SLC22A23: variants seen among roughly 807,000 people sequenced by gnomAD.
SLC22A23 encodes the protein ion transporter protein.
A neutral mutation model predicts 61.0 loss-of-function variants in SLC22A23; 26 were observed. That is an observed-to-expected ratio of 0.43 (90% confidence interval 0.31 to 0.59). The LOEUF is 0.59. Ranked by LOEUF, SLC22A23 falls within the 20% of genes least tolerant of loss-of-function variation. The probability of loss-of-function intolerance (pLI) is 0.11; values close to 1 mark genes in which losing one functional copy is unlikely to be tolerated. For missense variants in SLC22A23, 796 were observed against 934.7 expected (o/e 0.85, Z 1.94); for synonymous variants, 430 against 413.9 (o/e 1.04, Z -0.47).
chr6:3,428,863 G>A (rs955582577), intron 1 of SLC22A23, among the ~76,000 whole-genome samples: 1 of 152,132 alleles, frequency 6.6e-6, no homozygotes, highest in South Asian at 2.1e-4. Flanking sequence ...GCTAATTAGC[G>A]ATAACATTCA....
chr6:3,367,635 C>T (rs979307), intron 3 of SLC22A23, among the ~76,000 whole-genome samples: 106,804 of 152,064 alleles, frequency 0.7, 37,741 homozygotes, highest in East Asian at 0.84. Flanking sequence ...GCCTGAGGGA[C>T]GTAAGTTAGG....
chr6:3,300,530 C>T (rs886254549), intron 4 of SLC22A23, among the ~76,000 whole-genome samples: 3 of 152,166 alleles, frequency 2.0e-5, no homozygotes, highest in East Asian at 3.9e-4. Context: ...GAGCAACACA[C>T]GCTTGCCAGA....
chr6:3,445,019 G>C, intron 1 of SLC22A23: 2 of 977,418 alleles, frequency 2.0e-6, no homozygotes, highest in South Asian at 9.5e-5. Flanking sequence ...TGTTTGCCAG[G>C]TACGTGGGGG....
Position 3,442,120 on chromosome 6 carries a change from C to T in SLC22A23, c.654+13786G>A, listed in dbSNP as rs539351832. 5.9e-5 allele frequency among the ~76,000 whole-genome samples: 9 copies of T among 152,322 alleles called. No homozygotes were observed. In the East Asian group the frequency reaches 1.7e-3, roughly 29 times the overall value. Reference sequence around the variant, plus strand: ...CTAAGGCAGGCAGGAAACGCTCACACACGCTACCACATGGATGAGCCTTGA... The same window carrying T: ...CTAAGGCAGGCAGGAAACGCTCACATACGCTACCACATGGATGAGCCTTGA... On this transcript the variant is annotated intron_variant, in intron 1 of 9. Coordinates refer to ENST00000406686, the MANE Select transcript of SLC22A23 (RefSeq NM_015482.2).
In SLC22A23 at chr6:3,297,435, A is replaced by C. The variant is rs768686207; in HGVS notation, c.1210+656T>G. Among the ~76,000 whole-genome samples the C allele has an allele frequency of 3.9e-5, 6 of 152,204 alleles. No homozygotes were observed. Among genetic ancestry groups the C allele is most frequent in the Non-Finnish European group, 8.8e-5 (6 of 68,044 alleles). On this transcript the variant is annotated intron_variant, in intron 5 of 9. Transcript: ENST00000406686. The surrounding 1 kb of genome is among the most constrained non-coding windows in gnomAD (Gnocchi z 4.3). ...TGCATCAGAATCTCTTCTAGTGCTTATTAGAAATGCAAGTTCTCAGGGCTT... is the reference window on the plus strand; with the variant it reads ...TGCATCAGAATCTCTTCTAGTGCTTCTTAGAAATGCAAGTTCTCAGGGCTT...
chr6:3,424,157 C>T (rs896044860), intron 1 of SLC22A23, among the ~76,000 whole-genome samples: 1 of 152,182 alleles, frequency 6.6e-6, no homozygotes, highest in Non-Finnish European at 1.5e-5. Flanking sequence ...CCCCCACCTA[C>T]CTCTCTCATC....
Position 3,272,971 on chromosome 6 carries a change from C to A in SLC22A23, c.*84G>T. ...AGCTTGGCTGAGGCAGCTTTCCCAC[C>A]CCTGGCTGCGTGTTCGGTCCCTGGT... is the stretch of plus-strand genomic sequence containing the variant. On this transcript the variant is annotated 3_prime_UTR_variant, in exon 10 of 10. Coordinates refer to ENST00000406686, the MANE Select transcript of SLC22A23 (RefSeq NM_015482.2). The A allele has an allele frequency of 7.8e-7, 1 of 1,282,024 alleles. No individual in the cohort carries two copies. The highest frequency in any genetic ancestry group is 1.1e-6 in the Non-Finnish European group (1 of 942,532). 79.4% of individuals were successfully genotyped at this position (1,282,024 alleles called of 1,614,324 possible). A position where few individuals can be genotyped will look rare whatever the true frequency, so the allele number is the denominator to read the frequency against.
At chr6:3,283,208 G>A (rs1444861405) in intron 9 of SLC22A23, among the ~76,000 whole-genome samples, 4 of 151,620 alleles carry the variant, frequency 2.6e-5, no homozygotes, top group African/African-American at 9.8e-5. Flanking sequence ...AAGGTGGGGG[G>A]ATCACCTGAG....
At chr6:3,274,292 C>T (rs1758698942) in intron 9 of SLC22A23, among the ~76,000 whole-genome samples, 1 of 152,188 alleles carries the variant, frequency 6.6e-6, no homozygotes, top group Non-Finnish European at 1.5e-5. Context: ...GCAGTGGGAC[C>T]GTGGCGCTCA....
rs1295484156 is a variant in SLC22A23, at chr6:3,372,620, G to T, written c.913+37568C>A. Among the ~76,000 whole-genome samples, 4 of 152,202 alleles carry T rather than the reference G, an allele frequency of 2.6e-5. No homozygotes were observed. The highest frequency in any genetic ancestry group is 4.4e-5 in the Non-Finnish European group (3 of 68,024). On this transcript the variant is annotated intron_variant, in intron 3 of 9. Coordinates refer to ENST00000406686, the MANE Select transcript of SLC22A23 (RefSeq NM_015482.2). The surrounding 1 kb of genome is among the most constrained non-coding windows in gnomAD (Gnocchi z 4.7). ...CTTCCCCCCATGTCTCATGCACAGG[G>T]CCCTCAGCATGGACTGCAGCCTCCC...
At chr6:3,305,129 C>A (rs1254216480) in intron 4 of SLC22A23, among the ~76,000 whole-genome samples, 1 of 152,146 alleles carries the variant, frequency 6.6e-6, no homozygotes, top group African/African-American at 2.4e-5. Context: ...CAGTGTCCCC[C>A]GTGTGTGATG....
At chr6:3,277,400 G>A (rs192605329) in intron 9 of SLC22A23, among the ~76,000 whole-genome samples, 4 of 144,188 alleles carry the variant, frequency 2.8e-5, no homozygotes, top group Admixed American at 1.4e-4. Flanking sequence ...CCTGCTCCCC[G>A]AGCCCTAGGA....
In SLC22A23 at chr6:3,304,945, T is replaced by C. The variant is rs1761867997; in HGVS notation, c.1083-6727A>G. Among the ~76,000 whole-genome samples, 1 of 152,030 alleles carries C rather than the reference T, an allele frequency of 6.6e-6. No homozygotes were observed. The highest frequency in any genetic ancestry group is 6.5e-5 in the Admixed American group (1 of 15,272). On this transcript the variant is annotated intron_variant, in intron 4 of 9. Coordinates refer to ENST00000406686, the MANE Select transcript of SLC22A23 (RefSeq NM_015482.2). This position sits in a 1 kb window ranked among gnomAD's most constrained non-coding sequence, Gnocchi z 4.3. ...AGATCCTGAGTGTTATGGGCTCTGA[T>C]GAGCAGCAGCCACGGGACTGGAGTG...
chr6:3,420,858 A>G (rs1770079822), intron 1 of SLC22A23, among the ~76,000 whole-genome samples: 1 of 152,280 alleles, frequency 6.6e-6, no homozygotes, highest in African/African-American at 2.4e-5. Context: ...TAATCCCAGC[A>G]CTTTTGGAGG....
chr6:3,439,858 G>A (rs1771473178), intron 1 of SLC22A23, among the ~76,000 whole-genome samples: 1 of 152,120 alleles, frequency 6.6e-6, no homozygotes, highest in Non-Finnish European at 1.5e-5. Context: ...GTGGACTCTG[G>A]GCTGAAAGAA....
rs1761280359 is a variant in SLC22A23, at chr6:3,298,182, G to C, written c.1119C>G (p.Thr373=). Residue 373 remains threonine, a synonymous_variant, in exon 5 of 10, where the codon ACC becomes ACG. Coordinates refer to ENST00000406686, the MANE Select transcript of SLC22A23 (RefSeq NM_015482.2). ...GCCTCTTTGCAGACTCAAACTGCTG[G>C]GTGGCCATTAGCCACCGGAGGGACT... is the stretch of plus-strand genomic sequence containing the variant. The part of the protein sequence containing the change: ...FPESLRWLMA[T]QQFESAKRLI... 7 of 1,591,534 alleles carry C rather than the reference G, an allele frequency of 4.4e-6. No homozygotes were observed. Among genetic ancestry groups the C allele is most frequent in the Non-Finnish European group, 6.0e-6 (7 of 1,171,888 alleles).
At chr6:3,358,265 G>T (rs968427079) in intron 3 of SLC22A23, among the ~76,000 whole-genome samples, 1 of 150,420 alleles carries the variant, frequency 6.6e-6, no homozygotes, top group South Asian at 2.1e-4. Flanking sequence ...AGCACTTGAC[G>T]TGAGCGCTCC....
chr6:3,384,334 TTCTG>T (rs1436815963), intron 3 of SLC22A23, among the ~76,000 whole-genome samples: 10 of 152,236 alleles, frequency 6.6e-5, no homozygotes, highest in Non-Finnish European at 1.2e-4. Context: ...AAATAAGCAT[TTCTG>T]TCTAAGAATG....
chr6:3,301,666 C>T (rs941081430), intron 4 of SLC22A23, among the ~76,000 whole-genome samples: 3 of 152,208 alleles, frequency 2.0e-5, no homozygotes, highest in Non-Finnish European at 2.9e-5. Context: ...GGGCCACGTA[C>T]CCCAAGGGCC....
Sources: allele counts gnomAD v4.1 joint callset (sites outside exome capture counted in the v4.1 genomes callset), GRCh38; gene constraint gnomAD v4.1.1; non-coding constraint Gnocchi (gnomAD v3.1); transcripts MANE v1.5; gene names NCBI Gene and HGNC (gene_info 2026-07-23, HGNC 2026-07-21).